DOCK1: variants seen among roughly 807,000 people sequenced by gnomAD.
DOCK1 encodes the protein dedicator of cytokinesis protein 1.
A neutral mutation model predicts 262.7 loss-of-function variants in DOCK1; 138 were observed. The observed-to-expected ratio is 0.53, with a 90% CI of 0.46 to 0.61. The LOEUF (loss-of-function observed/expected upper bound fraction) is 0.61, where lower values mean the gene tolerates loss of function less well. Ranked by LOEUF, DOCK1 falls within the 20% of genes least tolerant of loss-of-function variation. The pLI is 0.00. For synonymous variants in DOCK1, 866 were observed against 867.4 expected, an observed-to-expected ratio of 1.00 and a Z score of 0.03; for missense variants, 1,908 against 2,370.7, an observed-to-expected ratio of 0.80 and a Z score of 4.05.
At chr10:127,057,356 T>C (rs963116017) in intron 22 of DOCK1, among the ~76,000 whole-genome samples, 5 of 152,252 alleles carry the variant, frequency 3.3e-5, no homozygotes, top group Non-Finnish European at 7.3e-5. Flanking sequence ...TGTTTTCCTA[T>C]AGTGCAATAG....
At chr10:127,052,892 C>T (rs2044838267) in intron 22 of DOCK1, 77 bp downstream of exon 22, 1 of 1,536,106 alleles carries the variant, frequency 6.5e-7, no homozygotes, top group East Asian at 2.4e-5. Flanking sequence ...TTCCCCTTCT[C>T]TCGTCCCCTT....
intron 23 of DOCK1, among the ~76,000 whole-genome samples, chr10:127,085,770 A>G (rs2047160431): frequency 6.6e-6 from 1 of 152,178 alleles, no homozygotes; most frequent in Non-Finnish European, 1.5e-5. Flanking sequence ...AAAAAGAAAA[A>G]GAAAGGAACT....
chr10:127,169,108 T>C (rs3813862), intron 27 of DOCK1, among the ~76,000 whole-genome samples: 50,481 of 152,026 alleles, frequency 0.33, 8,774 homozygotes, highest in African/African-American at 0.42. Context: ...GCTTTTTATT[T>C]CTGCTGCTGG....
At chr10:127,261,724 G>GGT (rs2060136503) in intron 29 of DOCK1, among the ~76,000 whole-genome samples, 6 of 94,790 alleles carry the variant, frequency 6.3e-5, no homozygotes, top group Admixed American at 2.3e-4. Context: ...TGTGCATGTG[G>GGT]GTGTGCGTGT....
chr10:127,357,046 C>T (rs940769321), intron 32 of DOCK1, among the ~76,000 whole-genome samples: 3 of 152,008 alleles, frequency 2.0e-5, no homozygotes, highest in East Asian at 1.9e-4. Flanking sequence ...TACTGAAATG[C>T]TTCCTTCTCC....
At chr10:126,932,791 C>G (rs1259583990) in intron 1 of DOCK1, among the ~76,000 whole-genome samples, 2 of 152,082 alleles carry the variant, frequency 1.3e-5, no homozygotes, top group Non-Finnish European at 2.9e-5. Flanking sequence ...CTCCAAGTCC[C>G]TCTCCGCTTG....
chr10:127,219,607 A>G (rs992047987), intron 27 of DOCK1, among the ~76,000 whole-genome samples: 5 of 151,704 alleles, frequency 3.3e-5, no homozygotes, highest in African/African-American at 1.2e-4. Flanking sequence ...TAAGACTAAA[A>G]CTCTCTACCC....
chr10:127,221,594 A>G (rs1014858637), intron 27 of DOCK1, among the ~76,000 whole-genome samples: 7 of 152,108 alleles, frequency 4.6e-5, no homozygotes, highest in Admixed American at 3.9e-4. Context: ...TCCTTTGATC[A>G]ATTGCTCCAG....
chr10:127,141,408 A>G (rs1391358470), intron 27 of DOCK1, among the ~76,000 whole-genome samples: 1 of 152,142 alleles, frequency 6.6e-6, no homozygotes, highest in Non-Finnish European at 1.5e-5. Flanking sequence ...CAGAGTCTTA[A>G]AAGGCAAATT....
At chr10:127,143,616 A>ATT (rs1564837243) in intron 27 of DOCK1, among the ~76,000 whole-genome samples, 1 of 152,180 alleles carries the variant, frequency 6.6e-6, no homozygotes, top group Non-Finnish European at 1.5e-5. Context: ...AAGCACAACA[A>ATT]TTTATGTCAA....
intron 1 of DOCK1, among the ~76,000 whole-genome samples, chr10:126,952,910 A>G (rs978544895): frequency 0.057 from 1,202 of 21,026 alleles, 23 homozygotes; most frequent in African/African-American, 0.16. Context: ...GGTGGTGGTG[A>G]TAGTATTGTT....
intron 1 of DOCK1, among the ~76,000 whole-genome samples, chr10:126,951,627 G>GTT (rs2036255631): frequency 3.3e-5 from 5 of 151,416 alleles, no homozygotes; most frequent in East Asian, 3.9e-4. Context: ...TGGTATTGTT[G>GTT]GTGGTAGTAT....
intron 27 of DOCK1, among the ~76,000 whole-genome samples, chr10:127,185,386 C>T (rs750303685): frequency 1.6e-4 from 24 of 152,030 alleles, no homozygotes; most frequent in African/African-American, 5.1e-4. Flanking sequence ...ATTAGCTGGG[C>T]GTGGTGATGC....
chr10:127,057,962 A>C (rs2045273020), intron 22 of DOCK1, among the ~76,000 whole-genome samples: 1 of 152,180 alleles, frequency 6.6e-6, no homozygotes, highest in African/African-American at 2.4e-5. Flanking sequence ...CTGTTTATTT[A>C]TCGATAAGTT....
At chr10:127,096,771 A>G (rs919486942) in intron 23 of DOCK1, among the ~76,000 whole-genome samples, 2 of 151,832 alleles carry the variant, frequency 1.3e-5, no homozygotes, top group Non-Finnish European at 2.9e-5. Flanking sequence ...TGGCATTCTC[A>G]TGAGATCTGG....
intron 1 of DOCK1, among the ~76,000 whole-genome samples, chr10:126,956,542 C>T (rs950149070): frequency 6.6e-6 from 1 of 152,140 alleles, no homozygotes. Flanking sequence ...ATCCTTGCTC[C>T]CCGCCCACGT....
At chr10:127,033,206 T>C (rs1045113547) in intron 18 of DOCK1, among the ~76,000 whole-genome samples, 1 of 152,030 alleles carries the variant, frequency 6.6e-6, no homozygotes, top group African/African-American at 2.4e-5. Flanking sequence ...TAAAAGCTGG[T>C]TTGGATGTTA....
intron 14 of DOCK1, 64 bp from the exon 15 acceptor site, chr10:127,024,621 G>A: frequency 7.4e-7 from 1 of 1,360,258 alleles, no homozygotes; most frequent in Non-Finnish European, 1.0e-6. Context: ...ATATATAGTG[G>A]GAGATGTATA....
At chr10:127,155,204 C>T (rs2052920599) in intron 27 of DOCK1, among the ~76,000 whole-genome samples, 1 of 152,156 alleles carries the variant, frequency 6.6e-6, no homozygotes, top group South Asian at 2.1e-4. Context: ...GTAAACTTCT[C>T]TGCATCATGG....
Sources: gnomAD v4.1 joint callset for allele counts (sites outside exome capture counted in the v4.1 genomes callset) on GRCh38, gnomAD v4.1.1 for gene constraint, MANE v1.5 for transcripts, NCBI Gene and HGNC (gene_info 2026-07-23, HGNC 2026-07-21) for gene names.